GEMIN2: variants seen among roughly 807,000 people sequenced by gnomAD.
GEMIN2 encodes gem-associated protein 2.
GEMIN2 carries 37 observed loss-of-function variants against 45.8 expected under a neutral mutation model. The ratio of observed to expected loss-of-function variants is 0.81; its 90% CI spans 0.62 to 1.06. The LOEUF (loss-of-function observed/expected upper bound fraction) is 1.06. Among genes scored for constraint, GEMIN2 ranks in the 50% least tolerant of loss-of-function variants. GEMIN2 has a pLI of 0.00. For synonymous variants in GEMIN2, 101 were observed against 111.5 expected (o/e 0.91, Z 0.60); for missense variants, 335 against 321.8 (o/e 1.04, Z -0.31).
Position 39,124,126 on chromosome 14 carries a change from TA to T in GEMIN2, c.487-858del, listed in dbSNP as rs1343135017. Reference sequence around the variant, plus strand: ...TACATACAAGTAAAATACACCATGTTAAAAAAAACCCTTAAGGAAGTAAGCG... The same window carrying T: ...TACATACAAGTAAAATACACCATGTTAAAAAAACCCTTAAGGAAGTAAGCG... On this transcript the variant is annotated intron_variant, in intron 5 of 9. Coordinates refer to ENST00000308317, the MANE Select transcript of GEMIN2 (RefSeq NM_003616.3). Among the ~76,000 whole-genome samples the T allele has an allele frequency of 5.3e-5, 8 of 151,970 alleles. No individual in the cohort carries two copies. The East Asian group carries it at 5.8e-4, about 11-fold the overall frequency.
intron 6 of GEMIN2, among the ~76,000 whole-genome samples, chr14:39,125,475 T>C (rs1327090915): frequency 6.6e-6 from 1 of 152,132 alleles, no homozygotes; most frequent in Non-Finnish European, 1.5e-5. Context: ...TGGCTAATTT[T>C]TGTATTTTCA....
intron 2 of GEMIN2, among the ~76,000 whole-genome samples, chr14:39,116,476 G>C (rs1249942033): frequency 2.0e-5 from 3 of 150,786 alleles, no homozygotes; most frequent in Admixed American, 2.0e-4. Context: ...GAGTGCAGTG[G>C]CGCGATCTCG....
intron 5 of GEMIN2, among the ~76,000 whole-genome samples, chr14:39,124,590 G>A (rs947519726): frequency 3.3e-5 from 5 of 150,982 alleles, no homozygotes; most frequent in Non-Finnish European, 5.9e-5. Context: ...GGGCAACATG[G>A]CAAAACCTCA....
intron 7 of GEMIN2, among the ~76,000 whole-genome samples, chr14:39,129,700 A>G (rs571189012): frequency 3.6e-4 from 55 of 152,216 alleles, no homozygotes; most frequent in African/African-American, 1.3e-3. Context: ...GGCGTGAGCC[A>G]CTGCACCCAG....
intron 4 of GEMIN2, 99 bp downstream of exon 4, chr14:39,118,698 T>A: frequency 1.6e-6 from 1 of 614,014 alleles, no homozygotes. Context: ...CTAGTCAGTG[T>A]TACTTTCATT....
chr14:39,134,668 T>C (rs2052761082), intron 9 of GEMIN2, among the ~76,000 whole-genome samples: 1 of 152,222 alleles, frequency 6.6e-6, no homozygotes, highest in Non-Finnish European at 1.5e-5. Flanking sequence ...CAAGCATTTT[T>C]CTTAGTGAGG....
chr14:39,114,976 C>T, intron 2 of GEMIN2, 63 bp downstream of exon 2: 1 of 792,768 alleles, frequency 1.3e-6, no homozygotes, highest in South Asian at 1.4e-5. Context: ...TAACGCTCTT[C>T]CTATAGTATC....
At position 39,134,660 on chromosome 14, in the gene GEMIN2, A is replaced by T. The variant is rs573178075; in HGVS notation, c.770+941A>T. On this transcript the variant is annotated intron_variant, in intron 9 of 9. Transcript: ENST00000308317. ...AACATTTACTGGGCAATTTGTGCCAAGCATTTTTCTTAGTGAGGAACCCAT... is the reference window on the plus strand; with the variant it reads ...AACATTTACTGGGCAATTTGTGCCATGCATTTTTCTTAGTGAGGAACCCAT... Among the ~76,000 whole-genome samples, 3 of 152,334 alleles carry T rather than the reference A, an allele frequency of 2.0e-5. No homozygotes were observed. In the East Asian group the frequency reaches 5.8e-4, roughly 29 times the overall value.
intron 7 of GEMIN2, among the ~76,000 whole-genome samples, chr14:39,130,987 G>C (rs1392336703): frequency 6.6e-6 from 1 of 151,820 alleles, no homozygotes; most frequent in East Asian, 1.9e-4. Flanking sequence ...TATTACAACT[G>C]ATGAAATTGT....
chr14:39,126,349 T>G (rs531994866), intron 6 of GEMIN2, among the ~76,000 whole-genome samples: 1 of 151,862 alleles, frequency 6.6e-6, no homozygotes, highest in East Asian at 1.9e-4. Flanking sequence ...TGGCTAATTT[T>G]GTTTATTTTT....
Position 39,128,279 on chromosome 14 carries a change from G to A in GEMIN2, c.532-1G>A. ...TCTCCACCCCCTCTTTTTTTTTTTA[G>A]GCAACAGTAACTAGTGTCTTGGAAT... On this transcript the variant is annotated splice_acceptor_variant, in intron 6 of 9. Coordinates refer to ENST00000308317, the MANE Select transcript of GEMIN2 (RefSeq NM_003616.3). LOFTEE classifies it high-confidence loss of function. 6.7e-7 allele frequency: 1 copy of A among 1,494,074 alleles called. No individual in the cohort carries two copies. Among genetic ancestry groups the A allele is most frequent in the Non-Finnish European group, 9.1e-7 (1 of 1,094,630 alleles). The allele number at this position is 1,494,074 out of a possible 1,614,324, so 92.6% of individuals were successfully genotyped here.
chr14:39,123,821 A>T (rs1594513579), intron 5 of GEMIN2, among the ~76,000 whole-genome samples: 1 of 145,548 alleles, frequency 6.9e-6, no homozygotes, highest in East Asian at 2.0e-4. Flanking sequence ...CCTGGGCTCA[A>T]GCAATCCTCC....
At position 39,118,105 on chromosome 14, in the gene GEMIN2, A is replaced by T. The variant is rs2052532466; in HGVS notation, c.312+17A>T. 7.4e-7 allele frequency: 1 copy of T among 1,352,754 alleles called. No homozygotes were observed. Among genetic ancestry groups the T allele is most frequent in the Middle Eastern group, 1.8e-4 (1 of 5,570 alleles). 83.8% of individuals were successfully genotyped at this position (1,352,754 alleles called of 1,614,324 possible). Reference sequence around the variant, plus strand: ...GTTCGACAGGTAAGTGTCATATTTAATCTAATTAAGCCCCTGTTGGATTTA... The same window carrying T: ...GTTCGACAGGTAAGTGTCATATTTATTCTAATTAAGCCCCTGTTGGATTTA... On this transcript the variant is annotated intron_variant, in intron 3 of 9. Transcript: ENST00000308317.
intron 7 of GEMIN2, among the ~76,000 whole-genome samples, chr14:39,129,939 T>TTTC (rs1566536171): frequency 7.7e-6 from 1 of 129,992 alleles, no homozygotes; most frequent in East Asian, 2.2e-4. Context: ...AGTTTGTTTT[T>TTTC]TTTTTTTTTT....
At position 39,121,879 on chromosome 14, in the gene GEMIN2, AT is replaced by A. The variant is rs34187098; in HGVS notation, c.373-537del. The A allele has an allele frequency of 8.3e-3, 1,294 of 155,004 alleles. 1 individual carries two copies. The highest frequency in any genetic ancestry group is 0.03 in the South Asian group (192 of 6,446). 9.6% of individuals were successfully genotyped at this position (155,004 alleles called of 1,614,324 possible). ...AGGTGTGCACCACCACATCCGGCTAATTTTTTTTTTTTTTGTATTTTTAGTA... is the reference window on the plus strand; with the variant it reads ...AGGTGTGCACCACCACATCCGGCTAATTTTTTTTTTTTTGTATTTTTAGTA... On this transcript the variant is annotated intron_variant, in intron 4 of 9. Transcript: ENST00000308317.
intron 9 of GEMIN2, among the ~76,000 whole-genome samples, chr14:39,135,749 T>G (rs1260876377): frequency 6.6e-6 from 1 of 152,112 alleles, no homozygotes; most frequent in Non-Finnish European, 1.5e-5. Flanking sequence ...TCCTTTTTAT[T>G]TAATCTTATA....
intron 7 of GEMIN2, among the ~76,000 whole-genome samples, chr14:39,129,934 G>GGT (rs1337690770): frequency 0.011 from 680 of 61,494 alleles, 21 homozygotes; most frequent in African/African-American, 0.037. Flanking sequence ...AGACAAGTTT[G>GGT]TTTTTTTTTT....
chr14:39,130,508 A>G (rs2052703003), intron 7 of GEMIN2, among the ~76,000 whole-genome samples: 1 of 152,150 alleles, frequency 6.6e-6, no homozygotes, highest in African/African-American at 2.4e-5. Flanking sequence ...TACTTAATAA[A>G]CTTTCCCCAT....
At chr14:39,123,926 T>A (rs981421448) in intron 5 of GEMIN2, among the ~76,000 whole-genome samples, 8 of 151,216 alleles carry the variant, frequency 5.3e-5, no homozygotes, top group African/African-American at 9.7e-5. Context: ...TTTAATTTTT[T>A]AAAAAAATTT....
Sources: gnomAD v4.1 joint callset for allele counts (sites outside exome capture counted in the v4.1 genomes callset) on GRCh38, gnomAD v4.1.1 for gene constraint, MANE v1.5 for transcripts, NCBI Gene and HGNC (gene_info 2026-07-23, HGNC 2026-07-21) for gene names.